Variants in TAFA4 observed in about 807,000 individuals in gnomAD.
TAFA4 encodes the protein TAFA chemokine like family member 4.
A neutral mutation model predicts 21.1 loss-of-function variants in TAFA4; 20 were observed. The ratio of observed to expected loss-of-function variants is 0.95; its 90% CI spans 0.67 to 1.38. The LOEUF (loss-of-function observed/expected upper bound fraction) is 1.38. Ranked by LOEUF, TAFA4 falls within the 40% of genes most tolerant of loss-of-function variation. The pLI, the probability that TAFA4 is intolerant of heterozygous loss-of-function variation, is 0.00. For missense variants in TAFA4, 211 were observed against 180.9 expected (o/e 1.17, Z -0.95); for synonymous variants, 71 against 67.4 (o/e 1.05, Z -0.26).
Position 68,831,326 on chromosome 3 carries a change from C to CA in TAFA4, c.130+49403_130+49404insT, listed in dbSNP as rs1553645429. On this transcript the variant is annotated intron_variant, in intron 3 of 5. Transcript: ENST00000295569. ...GGCATGTTTTTGCAGTGGCTGGTAC[C>CA]GTTGTCCCTTTCCATGTTTAGTGCT... 6.0e-4 allele frequency among the ~76,000 whole-genome samples: 91 copies of CA among 152,062 alleles called. 1 individual carries two copies. Among genetic ancestry groups the CA allele is most frequent in the African/African-American group, 1.7e-3 (72 of 41,454 alleles).
chr3:68,830,056 C>A (rs1027781870), intron 3 of TAFA4, among the ~76,000 whole-genome samples: 4 of 151,872 alleles, frequency 2.6e-5, no homozygotes, highest in African/African-American at 9.7e-5. Flanking sequence ...GGTTTTATTG[C>A]GTCTACTTGA....
At chr3:68,914,417 T>C (rs1262290458) in intron 1 of TAFA4, among the ~76,000 whole-genome samples, 3 of 152,222 alleles carry the variant, frequency 2.0e-5, no homozygotes, top group African/African-American at 4.8e-5. Context: ...TATGTGAACA[T>C]TCACTAAGCT....
intron 3 of TAFA4, among the ~76,000 whole-genome samples, chr3:68,867,817 C>A (rs915344861): frequency 6.6e-6 from 1 of 151,948 alleles, no homozygotes; most frequent in East Asian, 1.9e-4. Context: ...TCATGGTAAA[C>A]CCTGCGAGGC....
intron 1 of TAFA4, among the ~76,000 whole-genome samples, chr3:68,919,466 G>A (rs1278023181): frequency 2.0e-5 from 3 of 152,108 alleles, no homozygotes; most frequent in Non-Finnish European, 4.4e-5. Flanking sequence ...AAAACTTTTT[G>A]GGACTGTAGT....
At chr3:68,848,567 T>A (rs1472745864) in intron 3 of TAFA4, among the ~76,000 whole-genome samples, 1 of 152,208 alleles carries the variant, frequency 6.6e-6, no homozygotes, top group Non-Finnish European at 1.5e-5. Flanking sequence ...TCAACTCACC[T>A]TGGTGGCAAT....
At chr3:68,767,629 T>C (rs886828966) in intron 3 of TAFA4, among the ~76,000 whole-genome samples, 1 of 151,980 alleles carries the variant, frequency 6.6e-6, no homozygotes, top group African/African-American at 2.4e-5. Flanking sequence ...ACAGTGGAAT[T>C]TGGGACACAG....
At chr3:68,748,718 T>G (rs1337284117) in intron 4 of TAFA4, among the ~76,000 whole-genome samples, 2 of 142,160 alleles carry the variant, frequency 1.4e-5, no homozygotes, top group Admixed American at 7.4e-5. Flanking sequence ...CACTCCAGCC[T>G]GGGCGAAAAA....
chr3:68,857,006 C>T (rs975824989), intron 3 of TAFA4, among the ~76,000 whole-genome samples: 1 of 152,066 alleles, frequency 6.6e-6, no homozygotes, highest in Admixed American at 6.6e-5. Context: ...TGGGACAACA[C>T]GCAGGGTAGA....
intron 1 of TAFA4, among the ~76,000 whole-genome samples, chr3:68,916,691 G>C (rs193221330): frequency 9.2e-5 from 14 of 152,300 alleles, no homozygotes; most frequent in Admixed American, 8.5e-4. Context: ...AGGTACTTCA[G>C]CACCACAGAA....
intron 4 of TAFA4, among the ~76,000 whole-genome samples, chr3:68,748,273 T>C (rs1190729282): frequency 6.6e-6 from 1 of 152,222 alleles, no homozygotes; most frequent in East Asian, 1.9e-4. Context: ...GGCAAAATCC[T>C]CTCTGTCATT....
chr3:68,877,374 T>C (rs2089563346), intron 3 of TAFA4, among the ~76,000 whole-genome samples: 1 of 152,084 alleles, frequency 6.6e-6, no homozygotes, highest in South Asian at 2.1e-4. Flanking sequence ...ATTAATTGAT[T>C]AATTAAAATA....
chr3:68,807,381 G>A (rs916982330), intron 3 of TAFA4, among the ~76,000 whole-genome samples: 7 of 152,152 alleles, frequency 4.6e-5, no homozygotes, highest in Non-Finnish European at 8.8e-5. Flanking sequence ...ACCACGCAGC[G>A]GAAGCAATGA....
chr3:68,878,425 G>C (rs1367545522), intron 3 of TAFA4, among the ~76,000 whole-genome samples: 1 of 152,146 alleles, frequency 6.6e-6, no homozygotes, highest in Non-Finnish European at 1.5e-5. Context: ...GAAATTTCTA[G>C]GAAGATCCCT....
At chr3:68,767,278 C>T (rs1702872770) in intron 3 of TAFA4, among the ~76,000 whole-genome samples, 1 of 151,986 alleles carries the variant, frequency 6.6e-6, no homozygotes, top group African/African-American at 2.4e-5. Context: ...GCCCAGGAAT[C>T]AAGGAATCCA....
chr3:68,735,933 G>C (rs1702233993), intron 5 of TAFA4, among the ~76,000 whole-genome samples: 1 of 152,080 alleles, frequency 6.6e-6, no homozygotes, highest in Non-Finnish European at 1.5e-5. Flanking sequence ...CAAGATGCCA[G>C]TAGCATCCTC....
chr3:68,830,829 C>T (rs923429049), intron 3 of TAFA4, among the ~76,000 whole-genome samples: 1 of 152,136 alleles, frequency 6.6e-6, no homozygotes, highest in African/African-American at 2.4e-5. Context: ...GTCTAAGTCT[C>T]TTTGTAGGTC....
intron 4 of TAFA4, among the ~76,000 whole-genome samples, chr3:68,739,935 A>G (rs967012103): frequency 6.6e-6 from 1 of 152,234 alleles, no homozygotes; most frequent in Admixed American, 6.5e-5. Flanking sequence ...TGATGGCTAC[A>G]CTAAAAGCCC....
intron 2 of TAFA4, among the ~76,000 whole-genome samples, 172 bp downstream of exon 2, chr3:68,885,003 T>G (rs2089656324): frequency 6.6e-6 from 1 of 152,218 alleles, no homozygotes; most frequent in African/African-American, 2.4e-5. Flanking sequence ...CTGAAATAAT[T>G]TTCATTTCAC....
chr3:68,887,247 C>T (rs952820519), intron 1 of TAFA4, among the ~76,000 whole-genome samples: 1 of 152,240 alleles, frequency 6.6e-6, no homozygotes, highest in Non-Finnish European at 1.5e-5. Flanking sequence ...AACATCAAGT[C>T]TTAAAGCTGG....
Sources: allele counts gnomAD v4.1 joint callset (sites outside exome capture counted in the v4.1 genomes callset), GRCh38; gene constraint gnomAD v4.1.1; transcripts MANE v1.5; gene names NCBI Gene and HGNC (gene_info 2026-07-23, HGNC 2026-07-21).